SNTG1: variants seen among roughly 807,000 people sequenced by gnomAD.
The protein encoded by SNTG1 is gamma-1-syntrophin.
A neutral mutation model predicts 74.7 loss-of-function variants in SNTG1; 39 were observed. That is an observed-to-expected ratio of 0.52 (90% CI 0.40 to 0.68). SNTG1 has a LOEUF of 0.68. SNTG1 is among the 30% of genes least tolerant of loss of function. The pLI, the probability that SNTG1 is intolerant of heterozygous loss-of-function variation, is 0.00. For missense variants in SNTG1, 685 were observed against 609.5 expected (o/e 1.12, Z -1.30); for synonymous variants, 254 against 217.1 (o/e 1.17, Z -1.49).
intron 2 of SNTG1, among the ~76,000 whole-genome samples, chr8:50,173,211 A>C (rs567273381): frequency 2.0e-5 from 3 of 152,332 alleles, no homozygotes; most frequent in South Asian, 2.1e-4. Context: ...GTGAGTCAGC[A>C]TGGGTGATGC....
At chr8:49,918,133 A>C (rs1316652173) in intron 1 of SNTG1, among the ~76,000 whole-genome samples, 1 of 152,186 alleles carries the variant, frequency 6.6e-6, no homozygotes, top group Non-Finnish European at 1.5e-5. Context: ...TGAGACAATG[A>C]ACCACGACTT....
chr8:50,262,852 C>T (rs562952331), intron 2 of SNTG1, among the ~76,000 whole-genome samples: 3 of 152,084 alleles, frequency 2.0e-5, no homozygotes, highest in Non-Finnish European at 4.4e-5. Flanking sequence ...AAACAACATA[C>T]AATGCTACTC....
intron 9 of SNTG1, among the ~76,000 whole-genome samples, chr8:50,516,337 A>G (rs1444874130): frequency 6.6e-6 from 1 of 152,236 alleles, no homozygotes; most frequent in East Asian, 1.9e-4. Flanking sequence ...AAAGATGAGG[A>G]AAAACCAGCA....
chr8:50,188,183 G>A (rs2083449818), intron 2 of SNTG1, among the ~76,000 whole-genome samples: 1 of 152,154 alleles, frequency 6.6e-6, no homozygotes, highest in South Asian at 2.1e-4. Context: ...TGACCATTCA[G>A]TGAGGTCTAC....
intron 12 of SNTG1, among the ~76,000 whole-genome samples, chr8:50,563,523 T>A (rs2094499595): frequency 6.6e-6 from 1 of 152,148 alleles, no homozygotes; most frequent in African/African-American, 2.4e-5. Flanking sequence ...GTGTAGTTCC[T>A]TTTGTCCATC....
chr8:50,213,327 T>A (rs560971457), intron 2 of SNTG1, among the ~76,000 whole-genome samples: 35 of 152,184 alleles, frequency 2.3e-4, no homozygotes, highest in African/African-American at 7.7e-4. Flanking sequence ...AATTACTGAG[T>A]GATAAAAGCA....
chr8:50,012,567 T>G lies in SNTG1; in HGVS notation c.-103+100336T>G, dbSNP rs995343221. Among the ~76,000 whole-genome samples the G allele has an allele frequency of 2.6e-5, 4 of 152,258 alleles. No homozygotes were observed. In the South Asian group the frequency reaches 8.3e-4, roughly 32 times the overall value. ...TGGAGAGTTAGGCCTTGTTTTAAAA[T>G]GTAGTTTTATTATTCAGATGTAGTG... is the stretch of plus-strand genomic sequence containing the variant. On this transcript the variant is annotated intron_variant, in intron 1 of 18. Transcript: ENST00000642720.
intron 17 of SNTG1, among the ~76,000 whole-genome samples, chr8:50,716,815 C>T (rs2095476182): frequency 6.6e-6 from 1 of 151,702 alleles, no homozygotes; most frequent in African/African-American, 2.4e-5. Context: ...TCACTGCAAG[C>T]TCCACCTCCC....
intron 18 of SNTG1, among the ~76,000 whole-genome samples, chr8:50,788,583 T>C (rs944108272): frequency 1.3e-5 from 2 of 151,812 alleles, no homozygotes; most frequent in Non-Finnish European, 2.9e-5. Flanking sequence ...ATTGCAAAAA[T>C]TCAAAAAATT....
chr8:50,758,950 G>A lies in SNTG1; in HGVS notation c.1395+6839G>A, dbSNP rs144546837. 1.5e-3 allele frequency among the ~76,000 whole-genome samples: 231 copies of A among 150,224 alleles called. 1 individual carries two copies. Among genetic ancestry groups the A allele is most frequent in the Middle Eastern group, 0.01 (3 of 294 alleles). The stretch of plus-strand genomic sequence containing the variant: ...TACACTCCCATCAACATTGAAAAGC[G>A]TTCTCCACATTCTCTCCAGCATGTG... On this transcript the variant is annotated intron_variant, in intron 18 of 18. Coordinates refer to ENST00000642720, the MANE Select transcript of SNTG1 (RefSeq NM_018967.5).
intron 5 of SNTG1, among the ~76,000 whole-genome samples, chr8:50,446,979 A>G (rs1051122006): frequency 1.3e-5 from 2 of 152,180 alleles, no homozygotes; most frequent in East Asian, 3.9e-4. Context: ...ACAATAACTA[A>G]TAATAAAATG....
intron 18 of SNTG1, among the ~76,000 whole-genome samples, chr8:50,787,655 T>C (rs1046264778): frequency 1.3e-5 from 2 of 151,974 alleles, no homozygotes; most frequent in African/African-American, 4.8e-5. Flanking sequence ...TATCAGGAAA[T>C]ATTCATCAAT....
At chr8:49,942,836 G>A (rs1490270998) in intron 1 of SNTG1, among the ~76,000 whole-genome samples, 1 of 152,158 alleles carries the variant, frequency 6.6e-6, no homozygotes, top group Admixed American at 6.5e-5. Flanking sequence ...TCACTTGGCT[G>A]GGGTAATGTT....
intron 1 of SNTG1, among the ~76,000 whole-genome samples, chr8:50,113,613 A>T (rs1013328716): frequency 1.3e-5 from 2 of 152,106 alleles, no homozygotes; most frequent in Non-Finnish European, 2.9e-5. Context: ...AGAACTTCCA[A>T]CACTATGTTG....
At chr8:50,638,276 A>G (rs2095051398) in intron 13 of SNTG1, among the ~76,000 whole-genome samples, 1 of 152,124 alleles carries the variant, frequency 6.6e-6, no homozygotes, top group Non-Finnish European at 1.5e-5. Context: ...GTAGAACTGT[A>G]AGATAATACA....
intron 2 of SNTG1, among the ~76,000 whole-genome samples, chr8:50,351,070 A>C (rs2091645185): frequency 6.6e-6 from 1 of 152,240 alleles, no homozygotes; most frequent in South Asian, 2.1e-4. Context: ...TCTTGAAGTC[A>C]GTGAGACCAA....
At chr8:50,123,748 G>A (rs2081064406) in intron 1 of SNTG1, among the ~76,000 whole-genome samples, 1 of 141,876 alleles carries the variant, frequency 7.0e-6, no homozygotes, top group Non-Finnish European at 1.6e-5. Flanking sequence ...ACATCTTCAA[G>A]CAAACCAGTC....
At chr8:50,092,518 G>A (rs112299726) in intron 1 of SNTG1, among the ~76,000 whole-genome samples, 1 of 152,222 alleles carries the variant, frequency 6.6e-6, no homozygotes, top group Non-Finnish European at 1.5e-5. Flanking sequence ...GGGATTTGGC[G>A]CACACCTGAT....
intron 2 of SNTG1, among the ~76,000 whole-genome samples, chr8:50,268,338 C>A (rs1011667614): frequency 3.3e-5 from 5 of 152,134 alleles, no homozygotes; most frequent in Non-Finnish European, 7.4e-5. Flanking sequence ...GGTGCCAATT[C>A]ATTCTCAAAT....
Sources: allele counts gnomAD v4.1 joint callset (sites outside exome capture counted in the v4.1 genomes callset), GRCh38; gene constraint gnomAD v4.1.1; transcripts MANE v1.5; gene names NCBI Gene and HGNC (gene_info 2026-07-23, HGNC 2026-07-21).